The following ZNF208 variants were observed in gnomAD, a reference collection of about 807,000 sequenced individuals.
The protein encoded by ZNF208 is zinc finger protein 95.
Under a neutral mutation model 12.1 loss-of-function variants are expected in ZNF208, and 10 were observed. The ratio of observed to expected loss-of-function variants is 0.83; its 90% CI spans 0.51 to 1.40. The LOEUF is 1.40. Among genes scored for constraint, ZNF208 ranks in the 40% most tolerant of loss-of-function variants. The probability of loss-of-function intolerance (pLI) is 0.00; values close to 1 mark genes in which losing one functional copy is unlikely to be tolerated. For missense variants in ZNF208, 1,652 were observed against 1,485.0 expected, an observed-to-expected ratio of 1.11 and a Z score of -1.85; for synonymous variants, 497 against 488.4, an observed-to-expected ratio of 1.02 and a Z score of -0.23.
chr19:21,959,099 C>T (rs949657273), intron 4 of ZNF208, among the ~76,000 whole-genome samples: 62 of 151,794 alleles, frequency 4.1e-4, no homozygotes, highest in South Asian at 3.7e-3. Flanking sequence ...AAAAAAGGAA[C>T]TAATCTTTCA....
chr19:21,968,050 T>C lies in ZNF208; in HGVS notation c.*3141A>G, dbSNP rs1448538118. ...TATTTTGTTCTCAGTTTGAATATTA[T>C]TGGTGTACAGAAATGCTATGCATTT... On this transcript the variant is annotated 3_prime_UTR_variant, in exon 4 of 4. Transcript: ENST00000397126. The C allele has an allele frequency of 6.6e-6, 1 of 152,102 alleles. No individual in the cohort carries two copies. The highest frequency in any genetic ancestry group is 1.5e-5 in the Non-Finnish European group (1 of 68,004). The allele number at this position is 152,102 out of a possible 1,614,324, so 9.4% of individuals were successfully genotyped here. A position where few individuals can be genotyped will look rare whatever the true frequency, so the allele number is the denominator to read the frequency against.
In ZNF208 at chr19:21,968,175, A is replaced by G. The variant is rs1348968133; in HGVS notation, c.*3016T>C. The G allele has an allele frequency of 3.9e-5, 6 of 152,110 alleles. No homozygotes were observed. Among genetic ancestry groups the G allele is most frequent in the Non-Finnish European group, 8.8e-5 (6 of 68,004 alleles). 9.4% of individuals were successfully genotyped at this position (152,110 alleles called of 1,614,324 possible). ...AGTATTCTAGGTGGACAATTCTTTC[A>G]TCAGTAAAGATAATTTGACTTTCTT... On this transcript the variant is annotated 3_prime_UTR_variant, in exon 4 of 4. Transcript: ENST00000397126.
rs189537426 is a variant in ZNF208, at chr19:21,989,754, G to A, written c.4-845C>T. ...TCCTCTCCAGCACCTGTTGTTTCCT[G>A]CCTTTTTAATGATTGTCATTCTAAC... is the stretch of plus-strand genomic sequence containing the variant. On this transcript the variant is annotated intron_variant, in intron 1 of 3. Transcript: ENST00000397126. Among the ~76,000 whole-genome samples the A allele has an allele frequency of 7.7e-3, 1,173 of 152,196 alleles. 9 individuals carry two copies. The highest frequency in any genetic ancestry group is 0.026 in the African/African-American group (1,099 of 41,526).
In ZNF208 at chr19:21,972,177, CT is replaced by C; in HGVS notation, c.2856del (p.Ala953ProfsTer41). 2 of 1,608,202 alleles carry C rather than the reference CT, an allele frequency of 1.2e-6. No homozygotes were observed. The highest frequency in any genetic ancestry group is 1.7e-6 in the Non-Finnish European group (2 of 1,176,652). The part of the protein sequence containing the change: ...EKFYKCEACG[K>X]AYKSSSTLSY... ...CTAAGGGTTGAGGATGACTTATAGG[CT>C]TTGCCACATGCTTCACATTTGTAGA... On this transcript the variant is annotated frameshift_variant, in exon 4 of 4. Transcript: ENST00000397126. LOFTEE classifies it low-confidence loss of function (END_TRUNC).
At chr19:21,981,238 C>G (rs1206911980) in intron 3 of ZNF208, among the ~76,000 whole-genome samples, 1 of 152,058 alleles carries the variant, frequency 6.6e-6, no homozygotes, top group Non-Finnish European at 1.5e-5. Context: ...ATACCAAAAC[C>G]TGGCAGAGAC....
At chr19:21,963,092 C>T (rs1970104439), downstream of ZNF208, among the ~76,000 whole-genome samples, 1 of 151,930 alleles carries the variant, frequency 6.6e-6, no homozygotes, top group African/African-American at 2.4e-5. Flanking sequence ...GGAAAGCAGG[C>T]CAGCTGCTTC....
intron 4 of ZNF208, among the ~76,000 whole-genome samples, chr19:21,953,916 A>G (rs1205496923): frequency 2.0e-5 from 3 of 151,946 alleles, no homozygotes; most frequent in African/African-American, 7.3e-5. Flanking sequence ...AGTTCTTTTA[A>G]TTGTGATTGT....
In ZNF208 at chr19:21,967,922, A is replaced by T. The variant is rs925492934; in HGVS notation, c.*3269T>A. On this transcript the variant is annotated 3_prime_UTR_variant, in exon 4 of 4. Transcript: ENST00000397126. ...GCATTGTCTCTCGTTTCTTTCAGCA[A>T]TGTTTTGTTGTTCTTTGTAGAGATA... 1 of 152,004 alleles carries T rather than the reference A, an allele frequency of 6.6e-6. No homozygotes were observed. Among genetic ancestry groups the T allele is most frequent in the African/African-American group, 2.4e-5 (1 of 41,414 alleles). The allele number at this position is 152,004 out of a possible 1,614,324, so 9.4% of individuals were successfully genotyped here. A position where few individuals can be genotyped will look rare whatever the true frequency, so the allele number is the denominator to read the frequency against.
rs778483965 is a variant in ZNF208 at position 21,972,319 on chromosome 19, A to C, written c.2715T>G (p.Thr905=). Residue 905 remains threonine, a synonymous_variant, in exon 4 of 4, where the codon ACT becomes ACG. Coordinates refer to ENST00000397126, the MANE Select transcript of ZNF208 (RefSeq NM_007153.3). ...GKGFSMFSIL[T]KHEVIHTGEK... ...CTCCAGTATGAATTACCTCATGTTTAGTAAGGATGGAGAACATACTAAAAC... is the reference window on the plus strand; with the variant it reads ...CTCCAGTATGAATTACCTCATGTTTCGTAAGGATGGAGAACATACTAAAAC... The C allele has an allele frequency of 3.7e-6, 6 of 1,613,596 alleles. No individual in the cohort carries two copies. In the South Asian group the frequency reaches 5.5e-5, roughly 15 times the overall value.
At chr19:21,949,549 T>C (rs1450397765) in intron 4 of ZNF208, among the ~76,000 whole-genome samples, 2 of 152,078 alleles carry the variant, frequency 1.3e-5, no homozygotes, top group Non-Finnish European at 2.9e-5. Context: ...TTAAAAAAAC[T>C]CAAGCACCTA....
At chr19:21,956,967 T>C (rs1325922382) in intron 4 of ZNF208, among the ~76,000 whole-genome samples, 1 of 151,856 alleles carries the variant, frequency 6.6e-6, no homozygotes, top group Non-Finnish European at 1.5e-5. Context: ...TCTTGGGACT[T>C]CTATCAACTA....
At chr19:21,987,966 C>T (rs192440572) in intron 2 of ZNF208, among the ~76,000 whole-genome samples, 157 of 152,202 alleles carry the variant, frequency 1.0e-3, no homozygotes, top group African/African-American at 3.5e-3. Flanking sequence ...CTCATTCCTT[C>T]GTCGCCACCG....
At chr19:21,953,019 G>A (rs1351017308) in intron 4 of ZNF208, among the ~76,000 whole-genome samples, 2 of 151,826 alleles carry the variant, frequency 1.3e-5, no homozygotes, top group Admixed American at 1.3e-4. Context: ...CACGATGCAT[G>A]CACAAGCTTC....
At chr19:21,993,662 A>C (rs1970779174) in intron 1 of ZNF208, among the ~76,000 whole-genome samples, 1 of 152,166 alleles carries the variant, frequency 6.6e-6, no homozygotes, top group African/African-American at 2.4e-5. Context: ...GTCAATAATG[A>C]TGTTGCTCCC....
chr19:21,953,445 A>T (rs1410084900), intron 4 of ZNF208, among the ~76,000 whole-genome samples: 1 of 152,262 alleles, frequency 6.6e-6, no homozygotes, highest in Non-Finnish European at 1.5e-5. Flanking sequence ...GAAGTCCATC[A>T]GACTAACAGT....
At chr19:21,987,163 C>T (rs1360734177) in intron 3 of ZNF208, 53 bp downstream of exon 3, 2 of 1,566,250 alleles carry the variant, frequency 1.3e-6, no homozygotes, top group African/African-American at 2.8e-5. Context: ...GGACTGGCTT[C>T]CTCCTTGACT....
Position 21,941,117 on chromosome 19 carries a change from G to A in ZNF208, c.306-7880C>T, listed in dbSNP as rs373667250. On this transcript the variant is annotated intron_variant, in intron 4 of 4. Coordinates refer to the ZNF208 transcript ENST00000599916. ...TGTAAACCAGGCCTTGCTGACAAATGTCAGACGCCAAGAACAGAAGAACGG... is the reference window on the plus strand; with the variant it reads ...TGTAAACCAGGCCTTGCTGACAAATATCAGACGCCAAGAACAGAAGAACGG... 9.5e-4 allele frequency: 353 copies of A among 371,038 alleles called. 1 individual carries two copies. Among genetic ancestry groups the A allele is most frequent in the African/African-American group, 6.6e-3 (317 of 48,176 alleles). The allele number at this position is 371,038 out of a possible 1,614,324, so 23.0% of individuals were successfully genotyped here. A position where few individuals can be genotyped will look rare whatever the true frequency, so the allele number is the denominator to read the frequency against.
intron 4 of ZNF208, among the ~76,000 whole-genome samples, chr19:21,954,722 G>C (rs961903521): frequency 6.6e-6 from 1 of 152,096 alleles, no homozygotes; most frequent in East Asian, 1.9e-4. Context: ...TTGAGCCTAT[G>C]TGTGTCTCTG....
At chr19:21,975,526 C>T (rs1187141649) in intron 3 of ZNF208, among the ~76,000 whole-genome samples, 2 of 152,052 alleles carry the variant, frequency 1.3e-5, no homozygotes, top group African/African-American at 2.4e-5. Context: ...TATGCCAGGA[C>T]AAAGCTACAT....
Sources: allele counts gnomAD v4.1 joint callset (sites outside exome capture counted in the v4.1 genomes callset), GRCh38; gene constraint gnomAD v4.1.1; transcripts MANE v1.5; gene names NCBI Gene and HGNC (gene_info 2026-07-23, HGNC 2026-07-21).